Variants in ANKDD1A observed in about 807,000 individuals in gnomAD.
ANKDD1A encodes ankyrin repeat and death domain-containing protein 1A.
Under a neutral mutation model 63.5 loss-of-function variants are expected in ANKDD1A, and 59 were observed. The observed-to-expected ratio is 0.93, with a 90% CI of 0.75 to 1.15. ANKDD1A has a LOEUF of 1.15. Among genes scored for constraint, ANKDD1A ranks in the 50% most tolerant of loss-of-function variants. ANKDD1A has a pLI of 0.00. For missense variants in ANKDD1A, 632 were observed against 656.4 expected, an observed-to-expected ratio of 0.96 and a Z score of 0.41; for synonymous variants, 266 against 263.9, an observed-to-expected ratio of 1.01 and a Z score of -0.08.
chr15:64,922,043 C>T (rs1388650125), intron 4 of ANKDD1A, 24 bp downstream of exon 4: 2 of 1,609,126 alleles, frequency 1.2e-6, no homozygotes, highest in Non-Finnish European at 1.7e-6. Flanking sequence ...TGGTAGACCC[C>T]TGTCCCCTCG....
rs538127589 is a variant in ANKDD1A at position 64,926,177 on chromosome 15, G to A, written c.471+7G>A. On this transcript the variant is annotated splice_region_variant and intron_variant, in intron 5 of 14. Transcript: ENST00000319580. ...CCTGGACCACGTAGACAAGGTGAGA[G>A]TGCCTCAGGGCTACTCATCATTCCC... is the stretch of plus-strand genomic sequence containing the variant. The A allele has an allele frequency of 6.2e-7, 1 of 1,613,158 alleles. No individual in the cohort carries two copies. The highest frequency in any genetic ancestry group is 1.3e-5 in the African/African-American group (1 of 75,034).
intron 8 of ANKDD1A, among the ~76,000 whole-genome samples, chr15:64,932,981 C>A (rs2085102901): frequency 6.6e-6 from 1 of 150,450 alleles, no homozygotes. Flanking sequence ...GAAGGTTGCA[C>A]CCAGCTGGGT....
intron 14 of ANKDD1A, chr15:64,951,287 TTTCTTC>T (rs1292836769): frequency 5.2e-5 from 29 of 559,034 alleles, no homozygotes; most frequent in Admixed American, 5.9e-4. Context: ...TTCTTTTTCT[TTTCTTC>T]TTCTTCTTCT....
chr15:64,951,751 TTCC>T (rs1324942197), intron 14 of ANKDD1A, among the ~76,000 whole-genome samples: 9 of 144,332 alleles, frequency 6.2e-5, no homozygotes, highest in Admixed American at 2.7e-4. Flanking sequence ...CTTCCTCTTC[TTCC>T]TTCTTTCCTT....
At chr15:64,951,706 A>ATTCTTTTTTTTCTTCGTTCTTCCTTTC (rs1188766067) in intron 14 of ANKDD1A, among the ~76,000 whole-genome samples, 1 of 135,454 alleles carries the variant, frequency 7.4e-6, no homozygotes, top group African/African-American at 2.8e-5. Flanking sequence ...CTTCTTCCTT[A>ATTCTTTTTTTTCTTCGTTCTTCCTTTC]TTTTCTTTTT....
Position 64,958,646 on chromosome 15 carries a change from G to GAA in ANKDD1A, c.*1465_*1466dup, listed in dbSNP as rs952192900. On this transcript the variant is annotated 3_prime_UTR_variant, in exon 15 of 15. Coordinates refer to ENST00000319580, the MANE Select transcript of ANKDD1A (RefSeq NM_182703.6). ...AATGAATTTTGTAATTTTTTTCTGAGAAAAAAAAGTTCTTAAATACAATAA... is the reference window on the plus strand; with the variant it reads ...AATGAATTTTGTAATTTTTTTCTGAGAAAAAAAAAAGTTCTTAAATACAATAA... The GAA allele has an allele frequency of 6.6e-6, 1 of 151,776 alleles. No individual in the cohort carries two copies. The highest frequency in any genetic ancestry group is 2.4e-5 in the African/African-American group (1 of 41,320). The allele number at this position is 151,776 out of a possible 1,614,324, so 9.4% of individuals were successfully genotyped here. A position where few individuals can be genotyped will look rare whatever the true frequency, so the allele number is the denominator to read the frequency against.
chr15:64,952,137 CCTTA>C (rs1353177115), intron 14 of ANKDD1A, among the ~76,000 whole-genome samples: 16 of 135,302 alleles, frequency 1.2e-4, no homozygotes, highest in Admixed American at 7.6e-4. Flanking sequence ...TCTTCTTCTT[CCTTA>C]TTCTTCTTCC....
intron 12 of ANKDD1A, among the ~76,000 whole-genome samples, chr15:64,945,637 T>TG (rs2085217780): frequency 7.8e-6 from 1 of 128,732 alleles, no homozygotes; most frequent in African/African-American, 3.0e-5. Context: ...TATATGAACT[T>TG]TTTTTTTTTT....
intron 1 of ANKDD1A, chr15:64,913,981 TG>T (rs2084951241): frequency 7.5e-6 from 1 of 133,822 alleles, no homozygotes; most frequent in African/African-American, 2.8e-5. Flanking sequence ...GAGATTTTTT[TG>T]TTTCTGTTTT....
intron 8 of ANKDD1A, chr15:64,931,861 A>T (rs2085094053): frequency 1.8e-6 from 1 of 565,340 alleles, no homozygotes; most frequent in Non-Finnish European, 3.2e-6. Context: ...CCAGGACATA[A>T]TAGGGCCCAA....
At chr15:64,935,799 G>T (rs1351646684) in intron 9 of ANKDD1A, among the ~76,000 whole-genome samples, 3 of 151,706 alleles carry the variant, frequency 2.0e-5, no homozygotes, top group East Asian at 3.9e-4. Flanking sequence ...AGCCAAGATC[G>T]CTCCACTGCA....
intron 13 of ANKDD1A, among the ~76,000 whole-genome samples, chr15:64,949,365 G>A (rs1045642359): frequency 6.6e-6 from 1 of 152,194 alleles, no homozygotes; most frequent in Non-Finnish European, 1.5e-5. Context: ...AGCTGAGTCT[G>A]AGAACCACTG....
intron 9 of ANKDD1A, among the ~76,000 whole-genome samples, chr15:64,938,671 G>A (rs2085155164): frequency 6.6e-6 from 1 of 152,166 alleles, no homozygotes; most frequent in African/African-American, 2.4e-5. Context: ...GAAACTAAGG[G>A]CCAGACGCAG....
chr15:64,950,951 CAG>C (rs1566915225), intron 14 of ANKDD1A: 2 of 1,270,298 alleles, frequency 1.6e-6, no homozygotes, highest in Non-Finnish European at 2.0e-6. Flanking sequence ...TTGTTTTTAA[CAG>C]AAAATATCAG....
Position 64,947,054 on chromosome 15 carries a change from T to C in ANKDD1A, c.1162-350T>C, listed in dbSNP as rs76203538. Among the ~76,000 whole-genome samples the C allele has an allele frequency of 3.4e-3, 511 of 152,250 alleles. 2 individuals carry two copies. The highest frequency in any genetic ancestry group is 0.01 in the African/African-American group (435 of 41,538). ...TTCGGAGTACTTCTGCTGACACCCA[T>C]GCTATAAGAACACAGGAAAGAGAGG... On this transcript the variant is annotated intron_variant, in intron 12 of 14. Coordinates refer to ENST00000319580, the MANE Select transcript of ANKDD1A (RefSeq NM_182703.6).
At chr15:64,914,718 T>C (rs1567108681) in intron 1 of ANKDD1A, among the ~76,000 whole-genome samples, 1 of 152,182 alleles carries the variant, frequency 6.6e-6, no homozygotes, top group Non-Finnish European at 1.5e-5. Context: ...CCATGGAGAC[T>C]AGACATCCTC....
intron 11 of ANKDD1A, 30 bp from the exon 12 acceptor site, chr15:64,944,622 C>T: frequency 1.2e-6 from 2 of 1,605,832 alleles, no homozygotes; most frequent in Non-Finnish European, 1.7e-6. Context: ...TGTAGAAACT[C>T]TGGCTTCTCT....
intron 7 of ANKDD1A, 105 bp from the exon 8 acceptor site, chr15:64,931,382 G>A: frequency 9.7e-7 from 1 of 1,034,590 alleles, no homozygotes. Context: ...AGAGCTCAAG[G>A]GGTCCTGGGG....
chr15:64,943,603 C>T (rs749519931), intron 11 of ANKDD1A, 21 bp downstream of exon 11: 1 of 1,611,468 alleles, frequency 6.2e-7, no homozygotes, highest in Non-Finnish European at 8.5e-7. Flanking sequence ...TTACAACCCA[C>T]CTCGCTTCAG....
Sources: gnomAD v4.1 joint callset for allele counts (sites outside exome capture counted in the v4.1 genomes callset) on GRCh38, gnomAD v4.1.1 for gene constraint, MANE v1.5 for transcripts, NCBI Gene and HGNC (gene_info 2026-07-23, HGNC 2026-07-21) for gene names.